The following ATAD3A variants were observed in gnomAD, a reference collection of about 807,000 sequenced individuals.
ATAD3A encodes ATPase family AAA domain-containing protein 3A.
Under a neutral mutation model 73.8 loss-of-function variants are expected in ATAD3A, and 46 were observed. The observed-to-expected ratio is 0.62, with a 90% CI of 0.49 to 0.80. ATAD3A has a LOEUF of 0.80. Ranked by LOEUF, ATAD3A falls within the 30% of genes least tolerant of loss-of-function variation. The pLI is 0.00. For synonymous variants in ATAD3A, 319 were observed against 350.0 expected, an observed-to-expected ratio of 0.91 and a Z score of 0.99; for missense variants, 705 against 838.0, an observed-to-expected ratio of 0.84 and a Z score of 1.96.
chr1:1,527,226 G>C lies in ATAD3A; in HGVS notation c.1338-469G>C, dbSNP rs551021785. 23 of 1,300,614 alleles carry C rather than the reference G, an allele frequency of 1.8e-5. No homozygotes were observed. In the East Asian group the frequency reaches 1.1e-3, roughly 64 times the overall value. The allele number at this position is 1,300,614 out of a possible 1,614,324, so 80.6% of individuals were successfully genotyped here. On this transcript the variant is annotated intron_variant, in intron 13 of 15. Transcript: ENST00000378756. ...CGGCCGTGGCTGACTCCTCAGGCAC[G>C]TTGGGCTCCCAGGTCAGCTGCTGCC...
intron 15 of ATAD3A, 95 bp from the exon 16 acceptor site, chr1:1,533,831 C>G: frequency 3.4e-6 from 5 of 1,465,642 alleles, no homozygotes; most frequent in Non-Finnish European, 4.6e-6. Flanking sequence ...TCCTGGAGCC[C>G]CTGGTTTGGT....
At chr1:1,533,751 T>C (rs928099356) in intron 15 of ATAD3A, among the ~76,000 whole-genome samples, 175 bp from the exon 16 acceptor site, 1 of 151,368 alleles carries the variant, frequency 6.6e-6, no homozygotes, top group South Asian at 2.1e-4. Context: ...CTGCAGGGGC[T>C]GCTCCCGGTG....
intron 13 of ATAD3A, among the ~76,000 whole-genome samples, chr1:1,527,436 G>A (rs1049594601): frequency 2.0e-5 from 3 of 152,364 alleles, no homozygotes; most frequent in East Asian, 3.9e-4. Context: ...CAGCAGGAGA[G>A]AGTGGTGTTC....
chr1:1,528,664 A>C (rs1204091474), intron 14 of ATAD3A, among the ~76,000 whole-genome samples: 1 of 152,246 alleles, frequency 6.6e-6, no homozygotes, highest in East Asian at 1.9e-4. Context: ...AGATGAGCAG[A>C]GGCTGCTCCA....
At position 1,527,682 on chromosome 1, in the gene ATAD3A, C is replaced by A. The variant is rs538477827; in HGVS notation, c.1338-13C>A. 1.2e-6 allele frequency: 2 copies of A among 1,603,748 alleles called. No homozygotes were observed. Among genetic ancestry groups the A allele is most frequent in the South Asian group, 1.1e-5 (1 of 90,156 alleles). ...GCAGCCCCAGCATCCTCATCCTCATCCCCGCCCCGCAGGTTCATGCTGGTC... is the reference window on the plus strand; with the variant it reads ...GCAGCCCCAGCATCCTCATCCTCATACCCGCCCCGCAGGTTCATGCTGGTC... On this transcript the variant is annotated splice_polypyrimidine_tract_variant and intron_variant, in intron 13 of 15. Transcript: ENST00000378756.
chr1:1,526,992 A>G (rs1286006058), intron 13 of ATAD3A, among the ~76,000 whole-genome samples: 1 of 152,132 alleles, frequency 6.6e-6, no homozygotes, highest in Non-Finnish European at 1.5e-5. Flanking sequence ...CCCCGCCCGG[A>G]TGCTGGCCAA....
intron 15 of ATAD3A, 92 bp from the exon 16 acceptor site, chr1:1,533,829 CCCCTG>C: frequency 3.4e-6 from 5 of 1,453,174 alleles, no homozygotes; most frequent in Non-Finnish European, 4.6e-6. Flanking sequence ...CATCCTGGAG[CCCCTG>C]GTTTGGTCCC....
intron 3 of ATAD3A, 106 bp downstream of exon 3, chr1:1,517,518 A>G (rs1199861700): frequency 2.2e-5 from 21 of 975,688 alleles, no homozygotes; most frequent in Non-Finnish European, 5.8e-6. Context: ...GTCAGCCATT[A>G]GAGCTGCCCT....
At chr1:1,524,709 C>T (rs973566722) in intron 11 of ATAD3A, among the ~76,000 whole-genome samples, 2 of 138,928 alleles carry the variant, frequency 1.4e-5, no homozygotes, top group East Asian at 2.1e-4. Context: ...CGCCCTCCCC[C>T]CAACACGCCT....
At chr1:1,527,947 C>A in intron 14 of ATAD3A, 85 bp downstream of exon 14, 12 of 1,329,246 alleles carry the variant, frequency 9.0e-6, no homozygotes, top group Non-Finnish European at 1.2e-5. Flanking sequence ...ACTTACAAAC[C>A]TTTAACATTC....
chr1:1,517,948 C>G (rs751273058), intron 4 of ATAD3A, among the ~76,000 whole-genome samples, 173 bp downstream of exon 4: 4 of 151,962 alleles, frequency 2.6e-5, no homozygotes, highest in Non-Finnish European at 5.9e-5. Flanking sequence ...TGTACAGGCA[C>G]ACATGCAGAC....
Position 1,523,879 on chromosome 1 carries a change from C to T in ATAD3A, c.1004C>T (p.Thr335Ile). Reference sequence around the variant, plus strand: ...CGGGTGCGCGACATCGCCATAGCAACAAGGAACACCAAGAAGAACCGCAGC... The same window carrying T: ...CGGGTGCGCGACATCGCCATAGCAATAAGGAACACCAAGAAGAACCGCAGC... Reference protein sequence around the residue: ...EARVRDIAIATRNTKKNRSLY... With the variant: ...EARVRDIAIAIRNTKKNRSLY... The change falls in exon 10 of 16, where the codon ACA (threonine) becomes ATA (isoleucine). Residue 335 changes from threonine to isoleucine, a missense_variant. By Grantham distance (89) the Thr-to-Ile change is moderately conservative. This residue lies in a region of ATAD3A where 315 missense variants were observed against 334.1 expected (regional missense o/e 0.94). Transcript: ENST00000378756. The surrounding 1 kb of genome is among the most constrained non-coding windows in gnomAD (Gnocchi z 5.1). The T allele has an allele frequency of 6.2e-7, 1 of 1,614,040 alleles. No individual in the cohort carries two copies.
In ATAD3A at chr1:1,523,732, A is replaced by G; in HGVS notation, c.964-107A>G. The G allele has an allele frequency of 6.3e-7, 1 of 1,589,026 alleles. No homozygotes were observed. Among genetic ancestry groups the G allele is most frequent in the Non-Finnish European group, 8.6e-7 (1 of 1,166,176 alleles). On this transcript the variant is annotated intron_variant, in intron 9 of 15. Coordinates refer to ENST00000378756, the MANE Select transcript of ATAD3A (RefSeq NM_001170535.3). This position sits in a 1 kb window ranked among gnomAD's most constrained non-coding sequence, Gnocchi z 5.1. ...ATAGATAGGCTGCCCCTGAGGTGGG[A>G]GGCTTCCCGAGGAGCCGAGTCTGCA...
rs1435941674 is a variant in ATAD3A, at chr1:1,517,194, C to T, written c.283-117C>T. The T allele has an allele frequency of 5.8e-6, 9 of 1,547,044 alleles. No individual in the cohort carries two copies. In the South Asian group the frequency reaches 6.0e-5, roughly 10 times the overall value. On this transcript the variant is annotated intron_variant, in intron 2 of 15. Coordinates refer to ENST00000378756, the MANE Select transcript of ATAD3A (RefSeq NM_001170535.3). ...GCGGCTGGAAGCCCTGAGCCTGCTGCACACACTAGTCTGGGCATGGAGTCT... is the reference window on the plus strand; with the variant it reads ...GCGGCTGGAAGCCCTGAGCCTGCTGTACACACTAGTCTGGGCATGGAGTCT...
intron 4 of ATAD3A, 73 bp downstream of exon 4, chr1:1,517,848 G>C (rs543351688): frequency 6.5e-7 from 1 of 1,545,016 alleles, no homozygotes; most frequent in Admixed American, 1.7e-5. Flanking sequence ...CAGTCAGTGG[G>C]TCAGAGGCCA....
At chr1:1,518,838 A>T in intron 4 of ATAD3A, 83 bp from the exon 5 acceptor site, 2 of 1,605,958 alleles carry the variant, frequency 1.2e-6, no homozygotes, top group South Asian at 2.2e-5. Context: ...CCCCCTGCAC[A>T]CTCGGGCACA....
chr1:1,518,258 C>T (rs1048651592), intron 4 of ATAD3A, among the ~76,000 whole-genome samples: 17 of 150,600 alleles, frequency 1.1e-4, no homozygotes, highest in Non-Finnish European at 1.9e-4. Context: ...CACACAGATA[C>T]GCACACACAC....
intron 14 of ATAD3A, 26 bp from the exon 15 acceptor site, chr1:1,529,197 G>A (rs377612661): frequency 4.7e-5 from 76 of 1,606,950 alleles, no homozygotes; most frequent in African/African-American, 2.7e-4. Flanking sequence ...TGCCTTGGCC[G>A]GCCCACTTGG....
Position 1,520,353 on chromosome 1 carries a change from G to T in ATAD3A, c.680+47G>T. The T allele has an allele frequency of 6.2e-7, 1 of 1,602,316 alleles. No individual in the cohort carries two copies. Among genetic ancestry groups the T allele is most frequent in the Non-Finnish European group, 8.5e-7 (1 of 1,171,728 alleles). ...GCCGGCCACAGATGGAGCCCCGCAG[G>T]TGTGAGTCGCTGGTCCCAGGGCGCT... On this transcript the variant is annotated intron_variant, in intron 6 of 15. Transcript: ENST00000378756. This position sits in a 1 kb window ranked among gnomAD's most constrained non-coding sequence, Gnocchi z 4.0.
Sources: gnomAD v4.1 joint callset for allele counts (sites outside exome capture counted in the v4.1 genomes callset) on GRCh38, gnomAD v4.1.1 for gene constraint, gnomAD v4.1.1 regional missense constraint, Gnocchi (gnomAD v3.1) non-coding constraint, MANE v1.5 for transcripts, NCBI Gene and HGNC (gene_info 2026-07-23, HGNC 2026-07-21) for gene names.